MAML2: variants seen among roughly 807,000 people sequenced by gnomAD.
The protein encoded by MAML2 is mastermind-like protein 2.
MAML2 carries 22 observed loss-of-function variants against 96.1 expected under a neutral mutation model. The observed-to-expected ratio is 0.23, with a 90% confidence interval of 0.16 to 0.33. The LOEUF (loss-of-function observed/expected upper bound fraction) is 0.33. MAML2 is among the 10% of genes least tolerant of loss of function. The pLI is 1.00. For missense variants in MAML2, 1,367 were observed against 1,392.4 expected (o/e 0.98, Z 0.29); for synonymous variants, 561 against 521.3 (o/e 1.08, Z -1.04).
At chr11:96,258,869 T>C (rs1285386213) in intron 1 of MAML2, among the ~76,000 whole-genome samples, 1 of 152,200 alleles carries the variant, frequency 6.6e-6, no homozygotes, top group Non-Finnish European at 1.5e-5. Context: ...AAAATACATG[T>C]GTTTTTGCTT....
intron 2 of MAML2, among the ~76,000 whole-genome samples, chr11:96,083,189 A>G (rs1859555011): frequency 6.6e-6 from 1 of 152,196 alleles, no homozygotes. Flanking sequence ...CTGCTACTAG[A>G]GTGACTTTTC....
intron 1 of MAML2, among the ~76,000 whole-genome samples, chr11:96,177,429 C>T (rs900277341): frequency 2.6e-5 from 4 of 152,136 alleles, no homozygotes; most frequent in Non-Finnish European, 5.9e-5. Flanking sequence ...TCACAACATA[C>T]GTGGTAATGA....
chr11:96,162,176 CTTTTTTTT>C (rs36006515), intron 1 of MAML2, among the ~76,000 whole-genome samples: 173 of 105,948 alleles, frequency 1.6e-3, no homozygotes, highest in East Asian at 6.2e-3. Context: ...ATCAATCTAA[CTTTTTTTT>C]TTTTTTTTTT....
chr11:96,338,294 A>G (rs1863945079), intron 1 of MAML2, among the ~76,000 whole-genome samples: 1 of 152,248 alleles, frequency 6.6e-6, no homozygotes. Context: ...TCAAAGCCCT[A>G]TAATCCGGGC....
At chr11:96,158,336 A>G (rs1417120206) in intron 1 of MAML2, among the ~76,000 whole-genome samples, 1 of 152,156 alleles carries the variant, frequency 6.6e-6, no homozygotes, top group Admixed American at 6.5e-5. Context: ...TCCTGGGGTG[A>G]CCAGGCCCAC....
At chr11:96,047,519 G>A (rs1858921053) in intron 2 of MAML2, among the ~76,000 whole-genome samples, 1 of 152,040 alleles carries the variant, frequency 6.6e-6, no homozygotes, top group African/African-American at 2.4e-5. Flanking sequence ...TCCATCTCTT[G>A]GCATGTAGTA....
intron 1 of MAML2, among the ~76,000 whole-genome samples, chr11:96,129,128 G>T (rs1860501254): frequency 1.3e-5 from 2 of 152,130 alleles, no homozygotes; most frequent in Admixed American, 6.5e-5. Context: ...GAAAAAAGGT[G>T]CTCAGGGCAG....
chr11:96,221,492 G>A (rs1220758974), intron 1 of MAML2, among the ~76,000 whole-genome samples: 1 of 152,112 alleles, frequency 6.6e-6, no homozygotes, highest in Non-Finnish European at 1.5e-5. Context: ...TATACCCGAG[G>A]TTAGAGACCC....
Position 95,978,728 on chromosome 11 carries a change from G to T in MAML2, c.*220C>A. 1.9e-6 allele frequency: 1 copy of T among 532,622 alleles called. No individual in the cohort carries two copies. Among genetic ancestry groups the T allele is most frequent in the South Asian group, 2.7e-5 (1 of 37,026 alleles). The allele number at this position is 532,622 out of a possible 1,614,324, so 33.0% of individuals were successfully genotyped here. On this transcript the variant is annotated 3_prime_UTR_variant, in exon 5 of 5. Coordinates refer to ENST00000524717, the MANE Select transcript of MAML2 (RefSeq NM_032427.4). The stretch of plus-strand genomic sequence containing the variant: ...ATTGGATACTGTATCCTGGAGTTTA[G>T]ACAGGGAAAAGTGATCCCAATATTT...
intron 1 of MAML2, among the ~76,000 whole-genome samples, chr11:96,273,823 A>C (rs1862946620): frequency 6.6e-6 from 1 of 152,180 alleles, no homozygotes; most frequent in Non-Finnish European, 1.5e-5. Flanking sequence ...TTTGTGATAT[A>C]AGGCAAGATG....
chr11:96,134,090 T>A (rs762744591), intron 1 of MAML2, among the ~76,000 whole-genome samples: 10 of 152,244 alleles, frequency 6.6e-5, no homozygotes, highest in Non-Finnish European at 1.5e-4. Context: ...GTTTAGTGCT[T>A]TATAGCTCAT....
intron 1 of MAML2, among the ~76,000 whole-genome samples, chr11:96,235,502 T>C (rs946319325): frequency 6.6e-6 from 1 of 152,212 alleles, no homozygotes; most frequent in Non-Finnish European, 1.5e-5. Flanking sequence ...TCAGGAGACC[T>C]TGATTTTAGA....
At chr11:96,324,477 T>A (rs1863748468) in intron 1 of MAML2, among the ~76,000 whole-genome samples, 1 of 152,218 alleles carries the variant, frequency 6.6e-6, no homozygotes, top group African/African-American at 2.4e-5. Flanking sequence ...TATAAAGAAC[T>A]GCTGTCCCTT....
chr11:96,275,269 ATTTTTTTTT>A (rs56407815), intron 1 of MAML2, among the ~76,000 whole-genome samples: 13 of 111,748 alleles, frequency 1.2e-4, no homozygotes, highest in African/African-American at 2.3e-4. Context: ...ACACTAAGGA[ATTTTTTTTT>A]TTTTTTTTTT....
intron 1 of MAML2, among the ~76,000 whole-genome samples, chr11:96,112,567 T>C (rs1860147668): frequency 6.6e-6 from 1 of 152,226 alleles, no homozygotes; most frequent in Non-Finnish European, 1.5e-5. Flanking sequence ...GTCTACGAAG[T>C]ACTAACAGGA....
At chr11:95,983,454 C>G (rs1176729937) in intron 4 of MAML2, among the ~76,000 whole-genome samples, 1 of 152,064 alleles carries the variant, frequency 6.6e-6, no homozygotes, top group African/African-American at 2.4e-5. Flanking sequence ...TACAAAATTA[C>G]AGCTAGATAG....
chr11:96,287,078 T>C (rs1375902325), intron 1 of MAML2, among the ~76,000 whole-genome samples: 17 of 152,190 alleles, frequency 1.1e-4, no homozygotes, highest in Non-Finnish European at 1.5e-4. Context: ...CAGCTAGCAC[T>C]TATCAGATGG....
intron 1 of MAML2, among the ~76,000 whole-genome samples, chr11:96,244,673 A>G (rs1329595584): frequency 1.3e-5 from 2 of 152,220 alleles, no homozygotes; most frequent in African/African-American, 4.8e-5. Context: ...CTATGATTAC[A>G]TTGAAGAAAC....
At chr11:96,077,916 C>T (rs1859469462) in intron 2 of MAML2, among the ~76,000 whole-genome samples, 1 of 152,186 alleles carries the variant, frequency 6.6e-6, no homozygotes, top group Admixed American at 6.5e-5. Flanking sequence ...GCAGTACCTA[C>T]ACTGTAAATG....
Sources: allele counts gnomAD v4.1 joint callset (sites outside exome capture counted in the v4.1 genomes callset), GRCh38; gene constraint gnomAD v4.1.1; transcripts MANE v1.5; gene names NCBI Gene and HGNC (gene_info 2026-07-23, HGNC 2026-07-21).